The following TRABD2A variants were observed in gnomAD, a reference collection of about 807,000 sequenced individuals.
The protein encoded by TRABD2A is TraB domain containing 2A.
In TRABD2A, 43 loss-of-function variants were observed where a neutral mutation model predicts 45.6. That is an observed-to-expected ratio of 0.94 (90% confidence interval 0.74 to 1.22). TRABD2A has a LOEUF of 1.22. Among genes scored for constraint, TRABD2A ranks in the 50% most tolerant of loss-of-function variants. The pLI, the probability that TRABD2A is intolerant of heterozygous loss-of-function variation, is 0.00. For synonymous variants in TRABD2A, 269 were observed against 265.0 expected, an observed-to-expected ratio of 1.02 and a Z score of -0.15; for missense variants, 642 against 652.4, an observed-to-expected ratio of 0.98 and a Z score of 0.17.
At position 84,830,423 on chromosome 2, in the gene TRABD2A, C is replaced by T. The variant is rs1278843734; in HGVS notation, c.1082+1632G>A. Among the ~76,000 whole-genome samples the T allele has an allele frequency of 2.6e-5, 4 of 152,040 alleles. No individual in the cohort carries two copies. Among genetic ancestry groups the T allele is most frequent in the Admixed American group, 6.6e-5 (1 of 15,258 alleles). Reference sequence around the variant, plus strand: ...GGTAGGGTCTGAGTGCCAAGACCTCCGCGTGAAGACAATGACCTTGAAAAA... The same window carrying T: ...GGTAGGGTCTGAGTGCCAAGACCTCTGCGTGAAGACAATGACCTTGAAAAA... On this transcript the variant is annotated intron_variant, in intron 5 of 6. Coordinates refer to ENST00000409520, the MANE Select transcript of TRABD2A (RefSeq NM_001277053.2). The surrounding 1 kb of genome is among the most constrained non-coding windows in gnomAD (Gnocchi z 4.9).
intron 4 of TRABD2A, chr2:84,838,090 G>A (rs1681582243): frequency 5.0e-6 from 3 of 605,660 alleles, no homozygotes; most frequent in Non-Finnish European, 9.0e-6. Context: ...AAATTTCAGG[G>A]AACTATTGGA....
At chr2:84,880,801 C>A in intron 1 of TRABD2A, 131 bp downstream of exon 1, 1 of 1,351,248 alleles carries the variant, frequency 7.4e-7, no homozygotes, top group East Asian at 2.6e-5. Flanking sequence ...AGGAGCGCCG[C>A]GGTGCTAGGT....
Position 84,832,103 on chromosome 2 carries a change from C to T in TRABD2A, c.1034G>A (p.Arg345His), listed in dbSNP as rs61744273. Residue 345 changes from arginine to histidine, a missense_variant, in exon 5 of 7, where the codon CGT (arginine) becomes CAT (histidine). By Grantham distance (29) the Arg-to-His change is conservative (BLOSUM62 0). Transcript: ENST00000409520. ...GGCGTGTTCTACCTCATAGCCTTCA[C>T]GCCGCAAAACATCCAGCACTGTGTT... ...GNNTVLDVLR[R>H]EGYEVEHAPA... 0.029 allele frequency: 46,011 copies of T among 1,613,972 alleles called. 853 individuals are homozygous for T. The highest frequency in any genetic ancestry group is 0.064 in the Middle Eastern group (390 of 6,060).
chr2:84,872,887 G>C (rs1282538943), intron 1 of TRABD2A, among the ~76,000 whole-genome samples: 1 of 152,132 alleles, frequency 6.6e-6, no homozygotes, highest in Admixed American at 6.5e-5. Flanking sequence ...GGCCGAGGCG[G>C]GGGGATTGCC....
intron 2 of TRABD2A, among the ~76,000 whole-genome samples, chr2:84,857,100 G>A (rs954617791): frequency 2.6e-5 from 4 of 152,138 alleles, no homozygotes; most frequent in Admixed American, 6.5e-5. Flanking sequence ...TCTTGAACTT[G>A]GAGCCTCCAG....
chr2:84,844,579 C>T (rs2105384434), intron 2 of TRABD2A, among the ~76,000 whole-genome samples: 1 of 152,312 alleles, frequency 6.6e-6, no homozygotes, highest in African/African-American at 2.4e-5. Flanking sequence ...GCAAACTGAT[C>T]TAAATGAGAC....
At chr2:84,854,279 G>T (rs1224796320) in intron 2 of TRABD2A, among the ~76,000 whole-genome samples, 1 of 152,008 alleles carries the variant, frequency 6.6e-6, no homozygotes, top group Non-Finnish European at 1.5e-5. Context: ...ATCCAAGTGG[G>T]TCTTGGAACC....
chr2:84,839,460 C>G, intron 3 of TRABD2A, 137 bp from the exon 4 acceptor site: 1 of 815,780 alleles, frequency 1.2e-6, no homozygotes, highest in African/African-American at 1.7e-5. Context: ...TTGGAGTTTC[C>G]TGTCTGCTAT....
intron 2 of TRABD2A, among the ~76,000 whole-genome samples, chr2:84,861,904 T>C (rs537998391): frequency 6.6e-6 from 1 of 152,346 alleles, no homozygotes; most frequent in East Asian, 1.9e-4. Flanking sequence ...TCTGAAGCTC[T>C]TGCTGAAGCT....
intron 2 of TRABD2A, among the ~76,000 whole-genome samples, chr2:84,854,293 C>A (rs1297138641): frequency 6.6e-6 from 1 of 152,010 alleles, no homozygotes; most frequent in African/African-American, 2.4e-5. Flanking sequence ...TGGAACCAAT[C>A]CCCCATGGAT....
chr2:84,862,327 G>A (rs1353296255), intron 2 of TRABD2A, among the ~76,000 whole-genome samples: 1 of 152,234 alleles, frequency 6.6e-6, no homozygotes, highest in Non-Finnish European at 1.5e-5. Flanking sequence ...CATGCTGGGA[G>A]TTATTCCTGA....
chr2:84,859,892 G>C (rs1172489372), intron 2 of TRABD2A, among the ~76,000 whole-genome samples: 1 of 152,088 alleles, frequency 6.6e-6, no homozygotes, highest in African/African-American at 2.4e-5. Flanking sequence ...GTAGGAAACT[G>C]GCAGTCCAAA....
intron 1 of TRABD2A, among the ~76,000 whole-genome samples, chr2:84,876,800 G>A (rs1012204284): frequency 3.3e-5 from 5 of 152,104 alleles, no homozygotes; most frequent in African/African-American, 1.2e-4. Context: ...TCATCTTCCC[G>A]ATCCCAGATG....
intron 3 of TRABD2A, among the ~76,000 whole-genome samples, chr2:84,839,589 T>C (rs1681640009): frequency 6.6e-6 from 1 of 152,052 alleles, no homozygotes; most frequent in African/African-American, 2.4e-5. Context: ...TGGCTCTGTC[T>C]GATGCCGTGT....
intron 4 of TRABD2A, 98 bp downstream of exon 4, chr2:84,839,051 T>A: frequency 7.2e-7 from 1 of 1,394,944 alleles, no homozygotes; most frequent in Non-Finnish European, 9.8e-7. Flanking sequence ...TCTCGCTTCA[T>A]GACTAACACA....
chr2:84,835,007 A>G (rs1681453535), intron 4 of TRABD2A: 1 of 152,192 alleles, frequency 6.6e-6, no homozygotes, highest in African/African-American at 2.4e-5. Flanking sequence ...TCCCAGTAGC[A>G]ATGTATGAGG....
At chr2:84,879,111 G>A (rs1683121404) in intron 1 of TRABD2A, among the ~76,000 whole-genome samples, 1 of 151,994 alleles carries the variant, frequency 6.6e-6, no homozygotes, top group Admixed American at 6.6e-5. Flanking sequence ...CTAATGGAAT[G>A]TGTGCTATGT....
At chr2:84,870,892 G>T in intron 1 of TRABD2A, 107 bp from the exon 2 acceptor site, 2 of 1,160,710 alleles carry the variant, frequency 1.7e-6, no homozygotes, top group Non-Finnish European at 2.4e-6. Context: ...AGATATCAAA[G>T]TAGAATTTAG....
At chr2:84,852,023 AAGGGGGTCAGGATC>A (rs1330954997) in intron 2 of TRABD2A, among the ~76,000 whole-genome samples, 1 of 151,964 alleles carries the variant, frequency 6.6e-6, no homozygotes, top group African/African-American at 2.4e-5. Context: ...CTCCATAGAG[AAGGGGGTCAGGATC>A]AGGTTGGCAT....
Sources: gnomAD v4.1 joint callset for allele counts (sites outside exome capture counted in the v4.1 genomes callset) on GRCh38, gnomAD v4.1.1 for gene constraint, Gnocchi (gnomAD v3.1) non-coding constraint, MANE v1.5 for transcripts, NCBI Gene and HGNC (gene_info 2026-07-23, HGNC 2026-07-21) for gene names.